TRIO: variants seen among roughly 807,000 people sequenced by gnomAD.
The protein encoded by TRIO is triple functional domain protein.
A neutral mutation model predicts 351.9 loss-of-function variants in TRIO; 58 were observed. That is an observed-to-expected ratio of 0.16 (90% confidence interval 0.13 to 0.21). TRIO has a LOEUF of 0.21. Among genes scored for constraint, TRIO ranks in the 10% least tolerant of loss-of-function variants. TRIO has a pLI of 1.00. For missense variants in TRIO, 3,201 were observed against 4,027.8 expected (o/e 0.79, Z 5.56); for synonymous variants, 1,758 against 1,595.7 (o/e 1.10, Z -2.42).
chr5:14,357,194 A>G (rs1453111053), intron 11 of TRIO, among the ~76,000 whole-genome samples: 1 of 152,234 alleles, frequency 6.6e-6, no homozygotes, highest in Non-Finnish European at 1.5e-5. Context: ...ATGAGTCTTG[A>G]GGCAGCAGGC....
chr5:14,271,817 A>G (rs150478170), intron 2 of TRIO, among the ~76,000 whole-genome samples: 26 of 152,314 alleles, frequency 1.7e-4, no homozygotes, highest in African/African-American at 6.3e-4. Flanking sequence ...AGCTGCTTTT[A>G]TAAGTTTTTC....
chr5:14,478,786 CA>C (rs1187243670), intron 41 of TRIO, among the ~76,000 whole-genome samples: 4,249 of 94,936 alleles, frequency 0.045, 94 homozygotes, highest in African/African-American at 0.11. Flanking sequence ...TCCATCCCTA[CA>C]AAAAAAAAAA....
At chr5:14,251,425 A>G (rs1195204289) in intron 1 of TRIO, among the ~76,000 whole-genome samples, 1 of 152,122 alleles carries the variant, frequency 6.6e-6, no homozygotes, top group Non-Finnish European at 1.5e-5. Flanking sequence ...CAAATCCGAG[A>G]TTCTTAAACT....
chr5:14,377,479 C>T (rs1412476640), intron 19 of TRIO, among the ~76,000 whole-genome samples: 1 of 152,118 alleles, frequency 6.6e-6, no homozygotes, highest in East Asian at 1.9e-4. Context: ...CTCCTGACCT[C>T]AGGTGATCCA....
intron 4 of TRIO, among the ~76,000 whole-genome samples, chr5:14,289,378 C>G (rs941040210): frequency 1.3e-5 from 2 of 151,904 alleles, no homozygotes; most frequent in African/African-American, 4.8e-5. Flanking sequence ...AGAGCAAAAC[C>G]CTGTCTCAAA....
At chr5:14,417,878 G>A (rs762374414) in intron 33 of TRIO, among the ~76,000 whole-genome samples, 38 of 152,300 alleles carry the variant, frequency 2.5e-4, no homozygotes, top group Non-Finnish European at 2.4e-4. Context: ...AGCACAGTGC[G>A]AGGCAGGCTG....
chr5:14,242,661 G>A (rs931608157), intron 1 of TRIO, among the ~76,000 whole-genome samples: 7 of 152,094 alleles, frequency 4.6e-5, no homozygotes, highest in African/African-American at 9.7e-5. Context: ...CGTAGCCTCC[G>A]CCTGCTGTGC....
chr5:14,308,127 A>G (rs1738536181), intron 8 of TRIO, among the ~76,000 whole-genome samples: 1 of 152,106 alleles, frequency 6.6e-6, no homozygotes, highest in South Asian at 2.1e-4. Flanking sequence ...TTAGAATTTT[A>G]AAGACCTGGG....
chr5:14,239,957 G>C (rs139932617), intron 1 of TRIO, among the ~76,000 whole-genome samples: 1 of 152,184 alleles, frequency 6.6e-6, no homozygotes, highest in Non-Finnish European at 1.5e-5. Context: ...AAAAGTATTC[G>C]TATATAATTT....
chr5:14,247,878 C>T (rs354306), intron 1 of TRIO, among the ~76,000 whole-genome samples: 141 of 152,070 alleles, frequency 9.3e-4, no homozygotes, highest in African/African-American at 3.4e-3. Context: ...CCAGCCTGGC[C>T]AATATGGTGA....
At chr5:14,217,067 T>C (rs1792270846) in intron 1 of TRIO, among the ~76,000 whole-genome samples, 1 of 152,170 alleles carries the variant, frequency 6.6e-6, no homozygotes, top group Non-Finnish European at 1.5e-5. Flanking sequence ...AGATCATGCA[T>C]TCCTCCTCCA....
At chr5:14,153,461 C>T (rs1037095512) in intron 1 of TRIO, among the ~76,000 whole-genome samples, 3 of 152,220 alleles carry the variant, frequency 2.0e-5, no homozygotes, top group African/African-American at 2.4e-5. Context: ...CCATCCTGTT[C>T]TCTAAGAAAA....
rs544768471 is a variant in TRIO at position 14,478,876 on chromosome 5, G to A, written c.6154-385G>A. ...ACTCAGAGGCTGAGGTAGGAGGATC[G>A]CTTGAGCCCGGAAGTTTAAGGCTTC... is the stretch of plus-strand genomic sequence containing the variant. On this transcript the variant is annotated intron_variant, in intron 41 of 56. Transcript: ENST00000344204. 5.3e-5 allele frequency among the ~76,000 whole-genome samples: 8 copies of A among 152,184 alleles called. No homozygotes were observed. In the South Asian group the frequency reaches 6.2e-4, roughly 12 times the overall value.
chr5:14,444,584 A>AAAAC (rs202091543), intron 34 of TRIO, among the ~76,000 whole-genome samples: 2,411 of 152,282 alleles, frequency 0.016, 54 homozygotes, highest in African/African-American at 0.056. Context: ...TCATGTGTTT[A>AAAAC]AAACAAACAA....
chr5:14,433,972 A>G (rs1221041216), intron 34 of TRIO, among the ~76,000 whole-genome samples: 1 of 152,158 alleles, frequency 6.6e-6, no homozygotes, highest in Non-Finnish European at 1.5e-5. Flanking sequence ...TCTAGTCTTC[A>G]TTTTTAAAGC....
At chr5:14,350,602 C>G (rs957564804) in intron 11 of TRIO, among the ~76,000 whole-genome samples, 1 of 152,160 alleles carries the variant, frequency 6.6e-6, no homozygotes, top group Non-Finnish European at 1.5e-5. Flanking sequence ...CATCTACCCT[C>G]TGGTGCTGGA....
intron 31 of TRIO, among the ~76,000 whole-genome samples, chr5:14,403,199 G>A (rs1748273392): frequency 7.6e-6 from 1 of 132,298 alleles, no homozygotes. Flanking sequence ...GAGGGTGCAG[G>A]TTGTGGTGAG....
rs568868569 is a variant in TRIO at position 14,448,424 on chromosome 5, G to C, written c.5204-12595G>C. On this transcript the variant is annotated intron_variant, in intron 34 of 56. Coordinates refer to ENST00000344204, the MANE Select transcript of TRIO (RefSeq NM_007118.4). ...TCAGAGCGTGGGTTGTCTCACAGCA[G>C]GCCTAGACGTGGCCTTATGCCTGTT... Among the ~76,000 whole-genome samples, 12 of 152,364 alleles carry C rather than the reference G, an allele frequency of 7.9e-5. No homozygotes were observed. In the East Asian group the frequency reaches 2.3e-3, roughly 29 times the overall value.
intron 6 of TRIO, 80 bp from the exon 7 acceptor site, chr5:14,296,992 A>C: frequency 1.6e-6 from 2 of 1,245,770 alleles, no homozygotes; most frequent in Non-Finnish European, 2.3e-6. Flanking sequence ...GTGTTTCAGC[A>C]GGTGGCATCT....
Sources: allele counts gnomAD v4.1 joint callset (sites outside exome capture counted in the v4.1 genomes callset), GRCh38; gene constraint gnomAD v4.1.1; transcripts MANE v1.5; gene names NCBI Gene and HGNC (gene_info 2026-07-23, HGNC 2026-07-21).